Variants in CCDC63 observed in about 807,000 individuals in gnomAD.
CCDC63 encodes the protein coiled-coil domain containing 63.
In CCDC63, 54 loss-of-function variants were observed where a neutral mutation model predicts 63.6. That is an observed-to-expected ratio of 0.85 (90% CI 0.68 to 1.07). The LOEUF is 1.07. CCDC63 is among the 50% of genes least tolerant of loss of function. CCDC63 has a pLI of 0.00. For synonymous variants in CCDC63, 253 were observed against 266.1 expected, an observed-to-expected ratio of 0.95 and a Z score of 0.48; for missense variants, 637 against 689.6, an observed-to-expected ratio of 0.92 and a Z score of 0.86.
At chr12:110,870,214 C>T (rs773829892) in intron 4 of CCDC63, among the ~76,000 whole-genome samples, 8 of 152,130 alleles carry the variant, frequency 5.3e-5, no homozygotes, top group East Asian at 3.9e-4. Context: ...TCCCAAGTAG[C>T]GGAATTACAG....
At chr12:110,904,115 G>C (rs1326465314) in intron 10 of CCDC63, among the ~76,000 whole-genome samples, 1 of 152,156 alleles carries the variant, frequency 6.6e-6, no homozygotes, top group Admixed American at 6.5e-5. Context: ...CAGCACTTTA[G>C]GAGGCTGATG....
intron 10 of CCDC63, among the ~76,000 whole-genome samples, chr12:110,902,280 CT>C (rs1306709481): frequency 1.3e-5 from 2 of 152,176 alleles, no homozygotes; most frequent in South Asian, 4.1e-4. Context: ...GCTGTGTTGA[CT>C]TTTTTCTGCA....
chr12:110,867,538 A>C (rs1260116354), intron 4 of CCDC63, among the ~76,000 whole-genome samples: 2 of 99,890 alleles, frequency 2.0e-5, no homozygotes, highest in African/African-American at 4.2e-5. Context: ...TGACCCCCCC[A>C]CCTCCCTCCC....
chr12:110,849,144 T>G (rs2070674919), intron 1 of CCDC63, among the ~76,000 whole-genome samples: 1 of 152,226 alleles, frequency 6.6e-6, no homozygotes, highest in Admixed American at 6.5e-5. Flanking sequence ...TACCAGCCAC[T>G]ATTTTCCTAT....
At chr12:110,849,908 T>G (rs2070685178) in intron 1 of CCDC63, among the ~76,000 whole-genome samples, 2 of 152,114 alleles carry the variant, frequency 1.3e-5, no homozygotes, top group Admixed American at 6.6e-5. Context: ...CAAAGGGAAG[T>G]GGGGTTACCA....
chr12:110,854,289 T>TCC (rs2070742566), intron 3 of CCDC63, among the ~76,000 whole-genome samples: 1 of 110,974 alleles, frequency 9.0e-6, no homozygotes, highest in Non-Finnish European at 2.0e-5. Flanking sequence ...ATCATTTCTT[T>TCC]TCTCTTTTTT....
At chr12:110,853,668 G>T (rs2070735488) in intron 3 of CCDC63, 94 bp downstream of exon 3, 3 of 1,416,326 alleles carry the variant, frequency 2.1e-6, no homozygotes, top group Non-Finnish European at 3.0e-6. Context: ...GACCCCTGGG[G>T]CAGGGAGCCA....
chr12:110,864,303 G>T (rs771152555), intron 4 of CCDC63, among the ~76,000 whole-genome samples: 3 of 151,966 alleles, frequency 2.0e-5, no homozygotes, highest in Non-Finnish European at 4.4e-5. Context: ...GGCCCTTTAA[G>T]AAAAGTTTTC....
At chr12:110,881,917 C>G (rs535705816) in intron 7 of CCDC63, among the ~76,000 whole-genome samples, 13 of 152,082 alleles carry the variant, frequency 8.5e-5, no homozygotes, top group Non-Finnish European at 1.5e-4. Context: ...ATCTGCCAAC[C>G]CTAATTTACA....
chr12:110,896,221 G>A (rs2071413822), intron 9 of CCDC63, among the ~76,000 whole-genome samples: 1 of 152,090 alleles, frequency 6.6e-6, no homozygotes. Flanking sequence ...GCTCACTGCA[G>A]CCTCAACCTC....
intron 8 of CCDC63, among the ~76,000 whole-genome samples, chr12:110,885,589 C>G (rs1289027347): frequency 6.6e-6 from 1 of 152,192 alleles, no homozygotes; most frequent in African/African-American, 2.4e-5. Flanking sequence ...CTGTCCCATG[C>G]ATTTCCCTCC....
Position 110,854,099 on chromosome 12 carries a change from T to A in CCDC63, c.179+525T>A, listed in dbSNP as rs74571088. ...TGAGAGGGCAAGGGACACAAAAATG[T>A]CTGGGGCTGTCACTCCCTTGGTCCT... is the stretch of plus-strand genomic sequence containing the variant. On this transcript the variant is annotated intron_variant, in intron 3 of 11. Coordinates refer to ENST00000308208, the MANE Select transcript of CCDC63 (RefSeq NM_152591.3). Among the ~76,000 whole-genome samples the A allele has an allele frequency of 8.5e-5, 13 of 152,202 alleles. No homozygotes were observed. In the East Asian group the frequency reaches 2.3e-3, roughly 27 times the overall value.
intron 8 of CCDC63, among the ~76,000 whole-genome samples, chr12:110,892,660 A>C (rs2071370910): frequency 6.6e-6 from 1 of 152,032 alleles, no homozygotes; most frequent in African/African-American, 2.4e-5. Flanking sequence ...CTCTAGTAAA[A>C]ATACAAAAAG....
intron 4 of CCDC63, among the ~76,000 whole-genome samples, chr12:110,868,607 G>A (rs1187516813): frequency 1.3e-5 from 2 of 151,762 alleles, no homozygotes; most frequent in African/African-American, 2.4e-5. Context: ...TGCAATCGCA[G>A]GCATTCGGCA....
intron 1 of CCDC63, among the ~76,000 whole-genome samples, chr12:110,848,595 G>A (rs2070668750): frequency 6.6e-6 from 1 of 152,152 alleles, no homozygotes; most frequent in Non-Finnish European, 1.5e-5. Context: ...ATGATCTCAT[G>A]GGCCAGACAG....
chr12:110,906,004 T>TATAATATAATATAATATATATAATATA (rs1566144693), intron 11 of CCDC63, among the ~76,000 whole-genome samples: 1 of 54,834 alleles, frequency 1.8e-5, no homozygotes, highest in Non-Finnish European at 3.2e-5. Context: ...TAATATATAT[T>TATAATATAATATAATATATATAATATA]ATATAATATA....
chr12:110,893,433 C>T (rs755250627), intron 9 of CCDC63, among the ~76,000 whole-genome samples: 1 of 152,238 alleles, frequency 6.6e-6, no homozygotes, highest in Admixed American at 6.5e-5. Context: ...GCTCTTGGGC[C>T]TGCAATTTCA....
intron 5 of CCDC63, among the ~76,000 whole-genome samples, chr12:110,878,155 T>C (rs919121246): frequency 1.3e-5 from 2 of 152,192 alleles, no homozygotes; most frequent in African/African-American, 4.8e-5. Context: ...GGCTCAGTAA[T>C]ATTTTATTGT....
intron 4 of CCDC63, among the ~76,000 whole-genome samples, chr12:110,869,447 C>A (rs752594875): frequency 2.6e-4 from 40 of 152,116 alleles, no homozygotes; most frequent in Non-Finnish European, 4.3e-4. Flanking sequence ...GGATCTGGTA[C>A]TTACTAGTCT....
Sources: gnomAD v4.1 joint callset for allele counts (sites outside exome capture counted in the v4.1 genomes callset) on GRCh38, gnomAD v4.1.1 for gene constraint, MANE v1.5 for transcripts, NCBI Gene and HGNC (gene_info 2026-07-23, HGNC 2026-07-21) for gene names.